Variants in THSD4 observed in about 807,000 individuals in gnomAD.
THSD4 encodes the protein thrombospondin type-1 domain-containing protein 4.
Under a neutral mutation model 119.0 loss-of-function variants are expected in THSD4, and 69 were observed. The observed-to-expected ratio is 0.58, with a 90% CI of 0.48 to 0.71. THSD4 has a LOEUF of 0.71. Ranked by LOEUF, THSD4 falls within the 30% of genes least tolerant of loss-of-function variation. THSD4 has a pLI of 0.00. For missense variants in THSD4, 1,393 were observed against 1,391.1 expected (o/e 1.00, Z -0.02); for synonymous variants, 524 against 540.4 (o/e 0.97, Z 0.42).
At chr15:71,392,535 G>C (rs1051821087) in intron 6 of THSD4, among the ~76,000 whole-genome samples, 1 of 152,176 alleles carries the variant, frequency 6.6e-6, no homozygotes, top group Non-Finnish European at 1.5e-5. Context: ...CCTTTCAGTA[G>C]ATTCTCCAGT....
intron 7 of THSD4, among the ~76,000 whole-genome samples, chr15:71,542,651 G>A (rs535373132): frequency 7.9e-5 from 12 of 152,124 alleles, no homozygotes; most frequent in Non-Finnish European, 1.6e-4. Context: ...GCCGAGGTAG[G>A]CGGATCATGA....
intron 6 of THSD4, among the ~76,000 whole-genome samples, chr15:71,340,051 C>T (rs2045544675): frequency 6.6e-6 from 1 of 152,190 alleles, no homozygotes; most frequent in South Asian, 2.1e-4. Flanking sequence ...AGACATGAGC[C>T]ACTGCACCTG....
intron 7 of THSD4, among the ~76,000 whole-genome samples, chr15:71,568,949 G>C (rs2049296733): frequency 6.6e-6 from 1 of 152,202 alleles, no homozygotes; most frequent in East Asian, 1.9e-4. Flanking sequence ...TTTACTGCTT[G>C]TCTATAGAGT....
chr15:71,713,029 A>G (rs1437894774), intron 8 of THSD4, among the ~76,000 whole-genome samples: 1 of 152,242 alleles, frequency 6.6e-6, no homozygotes, highest in Non-Finnish European at 1.5e-5. Context: ...ACATACTGCT[A>G]TGATAATTGT....
intron 7 of THSD4, among the ~76,000 whole-genome samples, chr15:71,574,234 A>C (rs1315161509): frequency 6.6e-6 from 1 of 152,212 alleles, no homozygotes; most frequent in Non-Finnish European, 1.5e-5. Context: ...AACATTTATT[A>C]AGCCCCTATT....
chr15:71,775,743 A>G (rs1204734321), intron 17 of THSD4, among the ~76,000 whole-genome samples: 1 of 152,146 alleles, frequency 6.6e-6, no homozygotes, highest in Non-Finnish European at 1.5e-5. Flanking sequence ...TAAAATAAAT[A>G]GAAGTTTATA....
chr15:71,250,134 C>T (rs1296007211), intron 5 of THSD4, among the ~76,000 whole-genome samples: 1 of 152,100 alleles, frequency 6.6e-6, no homozygotes, highest in African/African-American at 2.4e-5. Flanking sequence ...CTGAGGGAGG[C>T]TATTATGGCA....
intron 7 of THSD4, among the ~76,000 whole-genome samples, chr15:71,503,638 G>A (rs4777401): frequency 0.92 from 139,410 of 152,116 alleles, 64,635 homozygotes; most frequent in East Asian, 1. Context: ...AGGCCACCCT[G>A]CCTTCCACAT....
intron 7 of THSD4, among the ~76,000 whole-genome samples, chr15:71,470,507 T>C (rs763355969): frequency 1.1e-4 from 16 of 152,238 alleles, no homozygotes; most frequent in Non-Finnish European, 2.2e-4. Flanking sequence ...ATTCATTTAA[T>C]TTTCCTAATG....
intron 5 of THSD4, among the ~76,000 whole-genome samples, chr15:71,254,709 A>G (rs2044294761): frequency 6.6e-6 from 1 of 152,212 alleles, no homozygotes; most frequent in Admixed American, 6.5e-5. Flanking sequence ...CATCTTAGTT[A>G]ACTCAAAAGC....
At chr15:71,327,915 C>T (rs1186724056) in intron 6 of THSD4, among the ~76,000 whole-genome samples, 1 of 152,158 alleles carries the variant, frequency 6.6e-6, no homozygotes, top group Admixed American at 6.5e-5. Flanking sequence ...TTAATTCAGC[C>T]GGGTCTGTGC....
At chr15:71,775,196 CTTAT>C (rs2053892022) in intron 17 of THSD4, among the ~76,000 whole-genome samples, 1 of 151,880 alleles carries the variant, frequency 6.6e-6, no homozygotes, top group Admixed American at 6.6e-5. Context: ...AAGGAAATGA[CTTAT>C]TTAATTATGT....
At chr15:71,516,603 TTTTA>T (rs1205504945) in intron 7 of THSD4, among the ~76,000 whole-genome samples, 1 of 152,236 alleles carries the variant, frequency 6.6e-6, no homozygotes, top group Non-Finnish European at 1.5e-5. Context: ...TATTTTCAAC[TTTTA>T]TTTTAGTTAT....
At chr15:71,416,183 A>T (rs1418705196) in intron 7 of THSD4, among the ~76,000 whole-genome samples, 1 of 152,186 alleles carries the variant, frequency 6.6e-6, no homozygotes, top group Non-Finnish European at 1.5e-5. Context: ...ACAGGATCTC[A>T]TTCTTCTTTG....
chr15:71,691,802 A>G (rs780977946), intron 8 of THSD4, among the ~76,000 whole-genome samples: 5 of 152,124 alleles, frequency 3.3e-5, no homozygotes, highest in Non-Finnish European at 5.9e-5. Flanking sequence ...GGGGATCCCT[A>G]GTGAACCATT....
At chr15:71,299,031 T>C (rs1167307786) in intron 6 of THSD4, among the ~76,000 whole-genome samples, 1 of 152,180 alleles carries the variant, frequency 6.6e-6, no homozygotes, top group African/African-American at 2.4e-5. Context: ...TGTTATTTCA[T>C]GAGTCTCTAG....
chr15:71,750,358 T>C (rs887491475), intron 14 of THSD4, among the ~76,000 whole-genome samples: 1 of 152,214 alleles, frequency 6.6e-6, no homozygotes, highest in Non-Finnish European at 1.5e-5. Flanking sequence ...ATTGAGTATT[T>C]TGAATATCAC....
At chr15:71,691,479 G>A (rs2052048047) in intron 8 of THSD4, among the ~76,000 whole-genome samples, 1 of 152,216 alleles carries the variant, frequency 6.6e-6, no homozygotes, top group South Asian at 2.1e-4. Context: ...TGGACGGGAA[G>A]GAGCACAGAC....
chr15:71,136,118 C>T (rs1029035627), intron 1 of THSD4, among the ~76,000 whole-genome samples: 4 of 150,832 alleles, frequency 2.7e-5, no homozygotes, highest in East Asian at 2.0e-4. Context: ...ACCCTAGACC[C>T]GCTGTGTGGC....
Sources: allele counts gnomAD v4.1 joint callset (sites outside exome capture counted in the v4.1 genomes callset), GRCh38; gene constraint gnomAD v4.1.1; transcripts MANE v1.5; gene names NCBI Gene and HGNC (gene_info 2026-07-23, HGNC 2026-07-21).